PSG6: variants seen among roughly 807,000 people sequenced by gnomAD.
PSG6 encodes the protein pregnancy specific beta-1-glycoprotein 6, also known as pregnancy-specific beta-1-glycoprotein 6.
Under a neutral mutation model 43.3 loss-of-function variants are expected in PSG6, and 51 were observed. The ratio of observed to expected loss-of-function variants is 1.18; its 90% CI spans 0.94 to 1.49. The LOEUF is 1.49. Among genes scored for constraint, PSG6 ranks in the 40% most tolerant of loss-of-function variants. PSG6 has a pLI of 0.00. For missense variants in PSG6, 770 were observed against 522.2 expected (o/e 1.47, Z -4.62); for synonymous variants, 292 against 197.6 (o/e 1.48, Z -4.01).
chr19:42,917,368 T>C (rs1972357232), intron 1 of PSG6, among the ~76,000 whole-genome samples: 1 of 145,496 alleles, frequency 6.9e-6, no homozygotes. Context: ...TTATTCTTTT[T>C]TTTTTTTTTT....
chr19:42,907,317 C>T, intron 4 of PSG6, 141 bp from the exon 5 acceptor site: 1 of 1,476,330 alleles, frequency 6.8e-7, no homozygotes, highest in Non-Finnish European at 9.1e-7. Context: ...TTACTAAGCC[C>T]AAGCCTGAGG....
rs1249949587 is a variant in PSG6, at chr19:42,907,119, T to A, written c.1043A>T (p.Asn348Ile). ...GTCCGCAAAGCAGGACAAGTCGAGG[T>A]TTTCTCCTGAACGGTAATAGGTGAA... ...PSFTYYRSGE[N>I]LDLSCFADSN... The change falls in exon 5 of 6, where the codon AAC becomes ATC. Residue 348 changes from asparagine (N) to isoleucine (I), a missense_variant. By Grantham distance (149) the Asn-to-Ile change is moderately radical. Transcript: ENST00000187910. 3 of 1,612,558 alleles carry A rather than the reference T, an allele frequency of 1.9e-6. No homozygotes were observed. Among genetic ancestry groups the A allele is most frequent in the South Asian group, 2.2e-5 (2 of 90,840 alleles).
chr19:42,917,121 T>G (rs894594314), intron 1 of PSG6, among the ~76,000 whole-genome samples: 1 of 151,390 alleles, frequency 6.6e-6, no homozygotes, highest in Non-Finnish European at 1.5e-5. Flanking sequence ...GGAAAGTGTT[T>G]CATGCCCTGG....
chr19:42,915,790 C>G, intron 2 of PSG6: 1 of 473,516 alleles, frequency 2.1e-6, no homozygotes, highest in Non-Finnish European at 3.7e-6. Context: ...GCCCCTCAGG[C>G]CAAGCCCTAC....
At position 42,907,767 on chromosome 19, in the gene PSG6, C is replaced by T. The variant is rs1600541538; in HGVS notation, c.794G>A (p.Ser265Asn). Residue 265 changes from serine (S) to asparagine (N), a missense_variant, in exon 4 of 6, where the codon AGT becomes AAT. By Grantham distance (46) the Ser-to-Asn change is conservative (BLOSUM62 1). Transcript: ENST00000187910. ...DVLAFTCEPKSRNYTYIWWLN... is the reference protein window; with the variant it reads ...DVLAFTCEPKNRNYTYIWWLN... Reference sequence around the variant, plus strand: ...CCACCAAATGTAGGTGTAGTTCCGACTCTTAGGTTCACAGGTGAAGGCTAA... The same window carrying T: ...CCACCAAATGTAGGTGTAGTTCCGATTCTTAGGTTCACAGGTGAAGGCTAA... 5.0e-6 allele frequency: 8 copies of T among 1,610,946 alleles called. No homozygotes were observed. The highest frequency in any genetic ancestry group is 6.8e-6 in the Non-Finnish European group (8 of 1,179,114).
rs1972067856 is a variant in PSG6 at position 42,903,624 on chromosome 19, G to T, written c.1241-1178C>A. 11 of 1,471,458 alleles carry T rather than the reference G, an allele frequency of 7.5e-6. No individual in the cohort carries two copies. In the East Asian group the frequency reaches 3.0e-4, roughly 40 times the overall value. 91.2% of individuals were successfully genotyped at this position (1,471,458 alleles called of 1,614,324 possible). On this transcript the variant is annotated intron_variant, in intron 5 of 5. Transcript: ENST00000187910. The stretch of plus-strand genomic sequence containing the variant: ...TGAAAATGGACTCTGAGCATGGTGG[G>T]TCATGTTTTAATCCTAGCACTTTGG...
chr19:42,911,723 C>G (rs1316659560), intron 2 of PSG6, among the ~76,000 whole-genome samples: 1 of 151,618 alleles, frequency 6.6e-6, no homozygotes, highest in Non-Finnish European at 1.5e-5. Flanking sequence ...GAAGTCTGGC[C>G]CTCAGGGACC....
chr19:42,908,729 A>G (rs1387914187), intron 3 of PSG6, among the ~76,000 whole-genome samples: 4 of 151,776 alleles, frequency 2.6e-5, no homozygotes, highest in Non-Finnish European at 5.9e-5. Flanking sequence ...GTCCTCATGG[A>G]CCATGTGTGT....
intron 2 of PSG6, 138 bp downstream of exon 2, chr19:42,915,987 G>A (rs890438836): frequency 1.8e-5 from 26 of 1,433,398 alleles, no homozygotes; most frequent in Non-Finnish European, 2.5e-5. Flanking sequence ...TGTGTGTCCT[G>A]CACTAAATGC....
chr19:42,915,831 A>G (rs1972314480), intron 2 of PSG6: 3 of 522,734 alleles, frequency 5.7e-6, no homozygotes, highest in Admixed American at 3.6e-5. Flanking sequence ...TCAGGGTCAA[A>G]TTTATGAAGA....
intron 2 of PSG6, among the ~76,000 whole-genome samples, chr19:42,911,213 TG>T (rs1972218812): frequency 6.6e-6 from 1 of 151,596 alleles, no homozygotes; most frequent in African/African-American, 2.4e-5. Flanking sequence ...CATGCAGTGC[TG>T]GAATCTTGTT....
At chr19:42,906,301 C>T (rs1056822985) in intron 5 of PSG6, among the ~76,000 whole-genome samples, 4 of 151,504 alleles carry the variant, frequency 2.6e-5, no homozygotes, top group South Asian at 4.2e-4. Flanking sequence ...TGCAGCCTGG[C>T]CCGGGGGAGG....
At chr19:42,903,236 G>T (rs1794420028) in intron 5 of PSG6, among the ~76,000 whole-genome samples, 2 of 151,524 alleles carry the variant, frequency 1.3e-5, no homozygotes, top group Admixed American at 1.3e-4. Context: ...TTAAAAGAAT[G>T]GTATGAAGAA....
chr19:42,902,502 A>G (rs1252138603), intron 5 of PSG6, 56 bp from the exon 6 acceptor site: 3 of 1,596,446 alleles, frequency 1.9e-6, no homozygotes, highest in African/African-American at 1.4e-5. Context: ...TCCTTTACAG[A>G]GAAAGCTTCT....
intron 5 of PSG6, chr19:42,906,636 C>G: frequency 7.2e-7 from 1 of 1,383,624 alleles, no homozygotes; most frequent in Non-Finnish European, 9.6e-7. Flanking sequence ...TGAGGACTCT[C>G]CTTCTTGTCC....
chr19:42,916,402 A>T lies in PSG6; in HGVS notation c.150T>A (p.Asp50Glu). 6.2e-7 allele frequency: 1 copy of T among 1,612,150 alleles called. No homozygotes were observed. The highest frequency in any genetic ancestry group is 1.1e-5 in the South Asian group (1 of 90,618). ...AKPPKVSEGK[D>E]VLLLVHNLPQ... is the part of the protein sequence containing the mutation. ...GCAAATTGTGGACAAGTAGAAGAAC[A>T]TCCTTCCCCTCGGAAACTTTGGGTG... is the stretch of plus-strand genomic sequence containing the variant. Residue 50 changes from aspartate to glutamate, a missense_variant, in exon 2 of 6, where the codon GAT becomes GAA. Asp to Glu is a conservative substitution (Grantham distance 45). Transcript: ENST00000187910.
At chr19:42,905,407 C>T (rs915019149) in intron 5 of PSG6, among the ~76,000 whole-genome samples, 4 of 151,650 alleles carry the variant, frequency 2.6e-5, no homozygotes, top group Admixed American at 1.3e-4. Flanking sequence ...ACAACAATGA[C>T]AGCAACACTA....
Position 42,909,200 on chromosome 19 carries a change from C to A in PSG6, c.707-1346G>T, listed in dbSNP as rs1477338412. Among the ~76,000 whole-genome samples, 4 of 151,548 alleles carry A rather than the reference C, an allele frequency of 2.6e-5. No homozygotes were observed. The East Asian group carries it at 5.8e-4, about 22-fold the overall frequency. Reference sequence around the variant, plus strand: ...TGGGAGGTGATAAGCCAGATATATTCTTGCCCTTTTTTTTCTCTCACCATG... The same window carrying A: ...TGGGAGGTGATAAGCCAGATATATTATTGCCCTTTTTTTTCTCTCACCATG... On this transcript the variant is annotated intron_variant, in intron 3 of 5. Transcript: ENST00000187910.
At chr19:42,909,641 A>G (rs1206393597) in intron 3 of PSG6, 3 of 151,624 alleles carry the variant, frequency 2.0e-5, no homozygotes, top group Non-Finnish European at 2.9e-5. Flanking sequence ...TTTTGGTTAA[A>G]CTTATTCCAA....
Sources: allele counts gnomAD v4.1 joint callset (sites outside exome capture counted in the v4.1 genomes callset), GRCh38; gene constraint gnomAD v4.1.1; transcripts MANE v1.5; gene names NCBI Gene and HGNC (gene_info 2026-07-23, HGNC 2026-07-21).